HERC5: variants seen among roughly 807,000 people sequenced by gnomAD.
HERC5 encodes the protein E3 ISG15--protein ligase HERC5.
HERC5 carries 99 observed loss-of-function variants against 119.6 expected under a neutral mutation model. The ratio of observed to expected loss-of-function variants is 0.83; its 90% CI spans 0.70 to 0.98. The LOEUF is 0.98. HERC5 is among the 50% of genes least tolerant of loss of function. The pLI is 0.00. For missense variants in HERC5, 1,267 were observed against 1,241.3 expected, an observed-to-expected ratio of 1.02 and a Z score of -0.31; for synonymous variants, 478 against 445.9, an observed-to-expected ratio of 1.07 and a Z score of -0.91.
At chr4:88,495,739 AC>A (rs1035089955) in intron 18 of HERC5, among the ~76,000 whole-genome samples, 7 of 152,060 alleles carry the variant, frequency 4.6e-5, no homozygotes, top group African/African-American at 1.7e-4. Flanking sequence ...TACTAACTGT[AC>A]TAATAAGACA....
At chr4:88,485,410 C>T (rs1333656969) in intron 13 of HERC5, among the ~76,000 whole-genome samples, 5 of 152,180 alleles carry the variant, frequency 3.3e-5, no homozygotes, top group African/African-American at 1.2e-4. Flanking sequence ...GTGAAACAGT[C>T]TCACCAGACT....
chr4:88,469,699 A>G (rs1740800234), intron 9 of HERC5, among the ~76,000 whole-genome samples: 1 of 152,212 alleles, frequency 6.6e-6, no homozygotes, highest in African/African-American at 2.4e-5. Flanking sequence ...CACTTGTTCA[A>G]GTGCTTTACT....
chr4:88,493,575 G>T (rs889502203), intron 17 of HERC5, among the ~76,000 whole-genome samples: 3 of 151,922 alleles, frequency 2.0e-5, no homozygotes, highest in Admixed American at 2.0e-4. Flanking sequence ...CTGTGGCAGG[G>T]ATTTATTTGG....
intron 11 of HERC5, 79 bp from the exon 12 acceptor site, chr4:88,475,761 CA>C: frequency 8.6e-7 from 1 of 1,156,660 alleles, no homozygotes; most frequent in Non-Finnish European, 1.3e-6. Context: ...CCAGCCTCTA[CA>C]CCTTGTTTTA....
At chr4:88,472,546 A>G (rs1267586866) in intron 11 of HERC5, 44 bp downstream of exon 11, 4 of 1,127,196 alleles carry the variant, frequency 3.5e-6, no homozygotes, top group African/African-American at 1.6e-5. Flanking sequence ...ACACCAGAAT[A>G]TTTCTTAAAA....
Position 88,457,150 on chromosome 4 carries a change from G to C in HERC5, c.-120G>C. The C allele has an allele frequency of 1.6e-6, 2 of 1,232,206 alleles. No homozygotes were observed. The highest frequency in any genetic ancestry group is 4.2e-5 in the Admixed American group (1 of 23,634). 76.3% of individuals were successfully genotyped at this position (1,232,206 alleles called of 1,614,324 possible). ...TGAGGCTGCGGTTCCCCGACGCCAC[G>C]CAGCTGCGCGCAGCTGGTTCCCGCT... On this transcript the variant is annotated 5_prime_UTR_variant, in exon 1 of 23. Coordinates refer to ENST00000264350, the MANE Select transcript of HERC5 (RefSeq NM_016323.4).
At chr4:88,493,187 T>G (rs1017775818) in intron 17 of HERC5, 32 bp downstream of exon 17, 2 of 1,608,616 alleles carry the variant, frequency 1.2e-6, no homozygotes, top group Admixed American at 3.4e-5. Context: ...TAAGGTATTT[T>G]GCGACAGAAA....
chr4:88,477,930 A>G (rs889177275), intron 12 of HERC5, among the ~76,000 whole-genome samples: 4 of 152,210 alleles, frequency 2.6e-5, no homozygotes, highest in African/African-American at 7.2e-5. Flanking sequence ...GCACAAAAAG[A>G]AAGTTGTGCA....
At chr4:88,470,539 C>G in intron 9 of HERC5, 75 bp from the exon 10 acceptor site, 3 of 760,182 alleles carry the variant, frequency 3.9e-6, no homozygotes, top group Non-Finnish European at 6.8e-6. Context: ...TATCATGTCT[C>G]ATGCTGTAAA....
intron 13 of HERC5, among the ~76,000 whole-genome samples, chr4:88,483,818 T>C (rs542137737): frequency 5.5e-4 from 84 of 152,258 alleles, no homozygotes; most frequent in African/African-American, 1.8e-3. Context: ...GCATGAGCCA[T>C]TGCGCCTGGC....
intron 1 of HERC5, among the ~76,000 whole-genome samples, chr4:88,458,429 C>G (rs1740268174): frequency 6.6e-6 from 1 of 151,434 alleles, no homozygotes; most frequent in Admixed American, 6.6e-5. Flanking sequence ...TTTTCGTACG[C>G]TTGGAATTTT....
Position 88,483,875 on chromosome 4 carries a change from C to T in HERC5, c.1738-2240C>T, listed in dbSNP as rs530495396. 1.8e-4 allele frequency among the ~76,000 whole-genome samples: 28 copies of T among 152,232 alleles called. No homozygotes were observed. In the South Asian group the frequency reaches 5.8e-3, roughly 32 times the overall value. On this transcript the variant is annotated intron_variant, in intron 13 of 22. Transcript: ENST00000264350. ...TAACCTTTGTAGGTTAAGGATATTTCCCTCCTTTTAGAAATTGTTCCACAT... is the reference window on the plus strand; with the variant it reads ...TAACCTTTGTAGGTTAAGGATATTTTCCTCCTTTTAGAAATTGTTCCACAT...
At chr4:88,459,501 A>G in intron 2 of HERC5, 31 bp downstream of exon 2, 1 of 1,296,000 alleles carries the variant, frequency 7.7e-7, no homozygotes, top group Non-Finnish European at 1.1e-6. Context: ...ATTAAAAATT[A>G]ATTTTAATCA....
intron 18 of HERC5, among the ~76,000 whole-genome samples, chr4:88,498,318 G>T (rs72881116): frequency 0.012 from 1,853 of 152,308 alleles, 43 homozygotes; most frequent in African/African-American, 0.042. Flanking sequence ...ATGTGTGAGA[G>T]CCTCTAGGGG....
intron 10 of HERC5, 120 bp downstream of exon 10, chr4:88,470,793 A>G: frequency 6.4e-6 from 3 of 466,854 alleles, no homozygotes; most frequent in Non-Finnish European, 1.2e-5. Context: ...ATTTTTTTTA[A>G]CAAAAGTAAA....
At chr4:88,469,452 G>A (rs552371061) in intron 9 of HERC5, among the ~76,000 whole-genome samples, 192 bp downstream of exon 9, 3 of 152,186 alleles carry the variant, frequency 2.0e-5, no homozygotes, top group South Asian at 4.1e-4. Flanking sequence ...TCTATGGAGG[G>A]GAGAGAGAGA....
In HERC5 at chr4:88,487,622, G is replaced by A. The variant is rs191589010; in HGVS notation, c.1962+443G>A. ...CCTGAAATTAGGAGCCCAATAAATG[G>A]CTACTACTCTGTGATGGTGCCATAA... On this transcript the variant is annotated intron_variant, in intron 15 of 22. Coordinates refer to ENST00000264350, the MANE Select transcript of HERC5 (RefSeq NM_016323.4). 2.0e-4 allele frequency among the ~76,000 whole-genome samples: 30 copies of A among 152,222 alleles called. No homozygotes were observed. The East Asian group carries it at 3.7e-3, about 19-fold the overall frequency.
intron 18 of HERC5, among the ~76,000 whole-genome samples, chr4:88,497,441 GGTGCTCCTT>G (rs1167182872): frequency 6.6e-6 from 1 of 152,166 alleles, no homozygotes; most frequent in African/African-American, 2.4e-5. Context: ...TTGGAGGAGA[GGTGCTCCTT>G]GTTACTATAT....
chr4:88,491,657 T>C (rs2149104158), intron 16 of HERC5, among the ~76,000 whole-genome samples: 1 of 152,324 alleles, frequency 6.6e-6, no homozygotes. Flanking sequence ...CTTGTTCTTC[T>C]TGGAGAGACC....
Sources: allele counts gnomAD v4.1 joint callset (sites outside exome capture counted in the v4.1 genomes callset), GRCh38; gene constraint gnomAD v4.1.1; transcripts MANE v1.5; gene names NCBI Gene and HGNC (gene_info 2026-07-23, HGNC 2026-07-21).